DPP10: variants seen among roughly 807,000 people sequenced by gnomAD.
DPP10 encodes inactive dipeptidyl peptidase 10.
Under a neutral mutation model 120.9 loss-of-function variants are expected in DPP10, and 33 were observed. The ratio of observed to expected loss-of-function variants is 0.27; its 90% CI spans 0.21 to 0.37. The LOEUF (loss-of-function observed/expected upper bound fraction) is 0.37. DPP10 is among the 10% of genes least tolerant of loss of function. DPP10 has a pLI of 1.00. For synonymous variants in DPP10, 337 were observed against 326.1 expected (o/e 1.03, Z -0.36); for missense variants, 816 against 942.8 (o/e 0.87, Z 1.76).
intron 7 of DPP10, 106 bp from the exon 8 acceptor site, chr2:115,727,710 G>T (rs115778619): frequency 3.2e-6 from 4 of 1,257,008 alleles, no homozygotes; most frequent in Non-Finnish European, 4.2e-6. Flanking sequence ...CTTGAAGCCC[G>T]TAAATAATAC....
intron 1 of DPP10, among the ~76,000 whole-genome samples, chr2:114,548,619 G>A (rs1386828328): frequency 1.3e-5 from 2 of 152,198 alleles, no homozygotes; most frequent in Non-Finnish European, 2.9e-5. Flanking sequence ...GGTCTCTGAA[G>A]CAGTTGGTTG....
intron 1 of DPP10, among the ~76,000 whole-genome samples, chr2:115,010,456 C>T (rs1702181793): frequency 6.6e-6 from 1 of 151,954 alleles, no homozygotes; most frequent in Non-Finnish European, 1.5e-5. Flanking sequence ...TGACAATGCC[C>T]AGGTGTCAGT....
chr2:115,523,628 C>T (rs1435305251), intron 4 of DPP10, among the ~76,000 whole-genome samples: 1 of 152,032 alleles, frequency 6.6e-6, no homozygotes, highest in Non-Finnish European at 1.5e-5. Flanking sequence ...TGAACATTTC[C>T]TTAAAAACAA....
chr2:114,955,078 A>T (rs1432475618), intron 1 of DPP10, among the ~76,000 whole-genome samples: 1 of 152,226 alleles, frequency 6.6e-6, no homozygotes, highest in Non-Finnish European at 1.5e-5. Context: ...AAGAATTAAG[A>T]AAGTAAAGGA....
intron 5 of DPP10, among the ~76,000 whole-genome samples, chr2:115,577,136 T>G (rs4849410): frequency 0.99 from 150,100 of 152,268 alleles, 74,021 homozygotes; most frequent in East Asian, 1. Flanking sequence ...GCTGAGGAGG[T>G]TTCTACTTAT....
intron 1 of DPP10, among the ~76,000 whole-genome samples, chr2:115,227,238 A>T (rs940003684): frequency 2.0e-5 from 3 of 152,172 alleles, no homozygotes; most frequent in Admixed American, 1.3e-4. Context: ...AAAGACAATT[A>T]TGTGAATATG....
At chr2:115,162,366 C>G (rs1013355947) in intron 1 of DPP10, 6 of 1,368,554 alleles carry the variant, frequency 4.4e-6, no homozygotes, top group African/African-American at 1.5e-5. Flanking sequence ...TCTTGGTTCC[C>G]CATTAACGCA....
At chr2:115,023,363 T>C (rs1703214927) in intron 1 of DPP10, among the ~76,000 whole-genome samples, 1 of 151,986 alleles carries the variant, frequency 6.6e-6, no homozygotes, top group Non-Finnish European at 1.5e-5. Flanking sequence ...AAAAAAGATA[T>C]ACAAATGGCC....
At chr2:115,051,412 C>T (rs1478692920) in intron 1 of DPP10, among the ~76,000 whole-genome samples, 1 of 151,708 alleles carries the variant, frequency 6.6e-6, no homozygotes, top group Non-Finnish European at 1.5e-5. Flanking sequence ...ATAAGGCATT[C>T]CATAATAAAT....
chr2:114,744,801 G>A (rs548911528), intron 1 of DPP10, among the ~76,000 whole-genome samples: 62 of 151,848 alleles, frequency 4.1e-4, no homozygotes, highest in South Asian at 1.7e-3. Flanking sequence ...TCACTCTGTC[G>A]CCCAAGCTGG....
chr2:115,439,430 A>G (rs1482143578), intron 3 of DPP10, among the ~76,000 whole-genome samples: 2 of 152,222 alleles, frequency 1.3e-5, no homozygotes, highest in African/African-American at 4.8e-5. Flanking sequence ...AACCCTTAAC[A>G]CCACTGAACT....
intron 8 of DPP10, among the ~76,000 whole-genome samples, chr2:115,736,647 G>T (rs1234163913): frequency 6.6e-6 from 1 of 152,048 alleles, no homozygotes; most frequent in Non-Finnish European, 1.5e-5. Context: ...TATAATTCAT[G>T]TGCCTTCCTC....
At chr2:115,051,375 TAAA>T in intron 1 of DPP10, among the ~76,000 whole-genome samples, 1 of 150,010 alleles carries the variant, frequency 6.7e-6, no homozygotes, top group Non-Finnish European at 1.5e-5. Context: ...TTTAAGGTAC[TAAA>T]AAAAAAAACT....
chr2:115,129,246 G>A (rs1180578546), intron 1 of DPP10, among the ~76,000 whole-genome samples: 1 of 152,156 alleles, frequency 6.6e-6, no homozygotes, highest in East Asian at 1.9e-4. Flanking sequence ...CATCTGTCAT[G>A]TCTCCTTTTA....
intron 3 of DPP10, among the ~76,000 whole-genome samples, chr2:115,356,801 C>A (rs2106332321): frequency 6.6e-6 from 1 of 152,176 alleles, no homozygotes; most frequent in Middle Eastern, 3.4e-3. Flanking sequence ...GATTCCATGT[C>A]TTTGCTATTG....
chr2:114,474,720 G>A (rs1465427571), intron 1 of DPP10, among the ~76,000 whole-genome samples: 1 of 152,198 alleles, frequency 6.6e-6, no homozygotes, highest in Non-Finnish European at 1.5e-5. Context: ...ATATGTCTGG[G>A]ACACAACTTT....
intron 1 of DPP10, among the ~76,000 whole-genome samples, chr2:114,801,855 A>G (rs1413255539): frequency 6.6e-6 from 1 of 152,182 alleles, no homozygotes; most frequent in Non-Finnish European, 1.5e-5. Context: ...CATGTACATG[A>G]AACTGCTTGT....
intron 1 of DPP10, among the ~76,000 whole-genome samples, chr2:114,540,516 A>G (rs1686867962): frequency 6.6e-6 from 1 of 152,234 alleles, no homozygotes; most frequent in Admixed American, 6.5e-5. Flanking sequence ...AAAGTCACCT[A>G]GTGAAAGTCA....
chr2:114,967,205 T>C (rs2104762894), intron 1 of DPP10, among the ~76,000 whole-genome samples: 1 of 152,306 alleles, frequency 6.6e-6, no homozygotes, highest in East Asian at 1.9e-4. Context: ...AAAAAAAATC[T>C]TCCATTAGGC....
Sources: gnomAD v4.1 joint callset for allele counts (sites outside exome capture counted in the v4.1 genomes callset) on GRCh38, gnomAD v4.1.1 for gene constraint, MANE v1.5 for transcripts, NCBI Gene and HGNC (gene_info 2026-07-23, HGNC 2026-07-21) for gene names.